The following NSUN7 variants were observed in gnomAD, a reference collection of about 807,000 sequenced individuals.
The protein encoded by NSUN7 is protein NSUN7.
In NSUN7, 39 loss-of-function variants were observed where a neutral mutation model predicts 58.5. That is an observed-to-expected ratio of 0.67 (90% CI 0.52 to 0.87). The LOEUF (loss-of-function observed/expected upper bound fraction) is 0.87. NSUN7 is among the 40% of genes least tolerant of loss of function. The pLI is 0.00. For missense variants in NSUN7, 765 were observed against 844.1 expected (o/e 0.91, Z 1.16); for synonymous variants, 278 against 303.7 (o/e 0.92, Z 0.88).
chr4:40,802,913 A>G (rs1577587142), intron 10 of NSUN7, among the ~76,000 whole-genome samples: 2 of 145,730 alleles, frequency 1.4e-5, no homozygotes, highest in East Asian at 2.2e-4. Context: ...AGCATTAGGT[A>G]TATCTCGTGC....
Position 40,807,131 on chromosome 4 carries a change from A to C in NSUN7, c.1471A>C (p.Met491Leu). Residue 491 changes from methionine to leucine, a missense_variant, in exon 11 of 12, where the codon ATG (methionine) becomes CTG (leucine). Coordinates refer to ENST00000381782, the MANE Select transcript of NSUN7 (RefSeq NM_024677.6). ...ATTGTCTACTGATAAATTTTTCAGA[A>C]TGGAACCATCTGAAATTACCAATGG... is the stretch of plus-strand genomic sequence containing the variant. ...IQLSTDKFFRMEPSEITNGCF... is the reference protein window; with the variant it reads ...IQLSTDKFFRLEPSEITNGCF... 6.4e-7 allele frequency: 1 copy of C among 1,550,974 alleles called. No homozygotes were observed. Among genetic ancestry groups the C allele is most frequent in the Admixed American group, 2.0e-5 (1 of 50,900 alleles).
rs1228617713 is a variant in NSUN7 at position 40,801,416 on chromosome 4, T to TA, written c.1400+2513dup. ...TAAATGTTCAATAATTTTAAATTGT[T>TA]ATAGTTGTTATTATTTATTTATAAA... On this transcript the variant is annotated intron_variant, in intron 10 of 11. Transcript: ENST00000381782. Among the ~76,000 whole-genome samples the TA allele has an allele frequency of 2.0e-5, 3 of 152,176 alleles. No homozygotes were observed. The East Asian group carries it at 5.8e-4, about 29-fold the overall frequency.
At chr4:40,752,708 C>T (rs1740896665) in intron 2 of NSUN7, among the ~76,000 whole-genome samples, 1 of 152,116 alleles carries the variant, frequency 6.6e-6, no homozygotes, top group Non-Finnish European at 1.5e-5. Context: ...GCGTGAGCCA[C>T]TGCACCTGGC....
intron 3 of NSUN7, among the ~76,000 whole-genome samples, chr4:40,760,725 G>A (rs1741411915): frequency 2.0e-5 from 3 of 152,016 alleles, no homozygotes. Flanking sequence ...GCTGGGTGTG[G>A]TGGCACATGC....
At position 40,769,076 on chromosome 4, in the gene NSUN7, C is replaced by G. The variant is rs187371363; in HGVS notation, c.489-5189C>G. ...CCCCTCCCCTGCACTCAATCTGTGT[C>G]TAATGCATCAAGTCCTGTAACTCCA... On this transcript the variant is annotated intron_variant, in intron 4 of 11. Coordinates refer to ENST00000381782, the MANE Select transcript of NSUN7 (RefSeq NM_024677.6). Among the ~76,000 whole-genome samples, 433 of 152,298 alleles carry G rather than the reference C, an allele frequency of 2.8e-3. 3 individuals carry two copies. Among genetic ancestry groups the G allele is most frequent in the African/African-American group, 9.7e-3 (405 of 41,558 alleles).
chr4:40,776,463 G>T (rs1413790459), intron 7 of NSUN7: 1 of 425,902 alleles, frequency 2.3e-6, no homozygotes, highest in Non-Finnish European at 4.2e-6. Context: ...TAATTTCTTG[G>T]TACTTTGTAA....
intron 4 of NSUN7, among the ~76,000 whole-genome samples, chr4:40,761,587 T>G (rs922923819): frequency 6.6e-6 from 1 of 152,198 alleles, no homozygotes; most frequent in African/African-American, 2.4e-5. Flanking sequence ...AAACTGTATT[T>G]GAAACAGCTA....
At position 40,796,716 on chromosome 4, in the gene NSUN7, C is replaced by T. The variant is rs150764335; in HGVS notation, c.1283-2071C>T. On this transcript the variant is annotated intron_variant, in intron 9 of 11. Coordinates refer to ENST00000381782, the MANE Select transcript of NSUN7 (RefSeq NM_024677.6). ...TTAATGACAATTAACTCAAGAGGCCCCGACTCCAGGTCATTCCTCATCTCC... is the reference window on the plus strand; with the variant it reads ...TTAATGACAATTAACTCAAGAGGCCTCGACTCCAGGTCATTCCTCATCTCC... 4.6e-5 allele frequency among the ~76,000 whole-genome samples: 7 copies of T among 152,246 alleles called. No homozygotes were observed. The East Asian group carries it at 1.4e-3, about 29-fold the overall frequency.
chr4:40,772,050 A>C (rs548289740), intron 4 of NSUN7, among the ~76,000 whole-genome samples: 29 of 152,180 alleles, frequency 1.9e-4, no homozygotes, highest in Non-Finnish European at 2.5e-4. Context: ...CCTAAGTCTA[A>C]TATAGTATCT....
chr4:40,801,871 C>T (rs1743597470), intron 10 of NSUN7, among the ~76,000 whole-genome samples: 1 of 145,738 alleles, frequency 6.9e-6, no homozygotes, highest in African/African-American at 2.5e-5. Context: ...CACTGCACTC[C>T]AGCCCGGGTG....
At chr4:40,767,996 C>T (rs1301033008) in intron 4 of NSUN7, among the ~76,000 whole-genome samples, 2 of 152,094 alleles carry the variant, frequency 1.3e-5, no homozygotes, top group Non-Finnish European at 2.9e-5. Flanking sequence ...AATTCGATTG[C>T]CTCAGTGCAG....
chr4:40,753,040 T>G (rs1237554615), intron 2 of NSUN7, among the ~76,000 whole-genome samples: 1 of 152,168 alleles, frequency 6.6e-6, no homozygotes, highest in Non-Finnish European at 1.5e-5. Context: ...TGGGCAGCTG[T>G]GTTGATTAAT....
intron 2 of NSUN7, among the ~76,000 whole-genome samples, chr4:40,752,071 C>G (rs1468690637): frequency 6.6e-6 from 1 of 152,156 alleles, no homozygotes; most frequent in African/African-American, 2.4e-5. Flanking sequence ...TGTTTTCGTA[C>G]TAGCTGTGAC....
rs1377561738 is a variant in NSUN7 at position 40,762,229 on chromosome 4, G to C, written c.488+928G>C. Among the ~76,000 whole-genome samples the C allele has an allele frequency of 3.3e-5, 5 of 152,258 alleles. No homozygotes were observed. The East Asian group carries it at 5.8e-4, about 18-fold the overall frequency. ...GTTCTTTATAAATTAGCTGGTCTCA[G>C]GTATTTTGTTATAGCAGTGCAAAAT... On this transcript the variant is annotated intron_variant, in intron 4 of 11. Transcript: ENST00000381782.
At chr4:40,761,030 C>T (rs1397081968) in intron 3 of NSUN7, 141 bp from the exon 4 acceptor site, 7 of 592,504 alleles carry the variant, frequency 1.2e-5, no homozygotes, top group African/African-American at 2.0e-5. Context: ...ATTTTGAAGA[C>T]CTTCCCAATC....
intron 5 of NSUN7, 90 bp downstream of exon 5, chr4:40,774,507 G>C (rs878873824): frequency 7.7e-7 from 1 of 1,306,094 alleles, no homozygotes; most frequent in Non-Finnish European, 1.1e-6. Context: ...AGAGGTGGGG[G>C]TGGCACATCT....
chr4:40,794,828 A>C, intron 9 of NSUN7, among the ~76,000 whole-genome samples: 1 of 152,158 alleles, frequency 6.6e-6, no homozygotes, highest in East Asian at 1.9e-4. Context: ...GCCTACCCTT[A>C]ACAACTCTTC....
At position 40,810,880 on chromosome 4, in the gene NSUN7, A is replaced by G. The variant is rs1296967601; in HGVS notation, c.*1941A>G. The G allele has an allele frequency of 3.9e-5, 6 of 152,310 alleles. No individual in the cohort carries two copies. Among genetic ancestry groups the G allele is most frequent in the Admixed American group, 2.0e-4 (3 of 15,290 alleles). 9.4% of individuals were successfully genotyped at this position (152,310 alleles called of 1,614,324 possible). Reference sequence around the variant, plus strand: ...GCTTAATTTAACATATTGTTCAGTAAAGAATCCCATTGTGTATCATAAGAA... The same window carrying G: ...GCTTAATTTAACATATTGTTCAGTAGAGAATCCCATTGTGTATCATAAGAA... On this transcript the variant is annotated 3_prime_UTR_variant, in exon 12 of 12. Transcript: ENST00000381782.
At chr4:40,751,127 T>C in intron 2 of NSUN7, 136 bp downstream of exon 2, 6 of 906,448 alleles carry the variant, frequency 6.6e-6, no homozygotes, top group Non-Finnish European at 9.9e-6. Flanking sequence ...CTTTGGTTAA[T>C]TGCAAGTGTC....
Sources: allele counts gnomAD v4.1 joint callset (sites outside exome capture counted in the v4.1 genomes callset), GRCh38; gene constraint gnomAD v4.1.1; transcripts MANE v1.5; gene names NCBI Gene and HGNC (gene_info 2026-07-23, HGNC 2026-07-21).